The following RAVER2 variants were observed in gnomAD, a reference collection of about 807,000 sequenced individuals.
RAVER2 encodes ribonucleoprotein PTB-binding 2.
A neutral mutation model predicts 78.1 loss-of-function variants in RAVER2; 46 were observed. The observed-to-expected ratio is 0.59, with a 90% CI of 0.46 to 0.75. The LOEUF is 0.75. RAVER2 is among the 30% of genes least tolerant of loss of function. The pLI, the probability that RAVER2 is intolerant of heterozygous loss-of-function variation, is 0.00. For missense variants in RAVER2, 793 were observed against 837.5 expected, an observed-to-expected ratio of 0.95 and a Z score of 0.66; for synonymous variants, 311 against 313.3, an observed-to-expected ratio of 0.99 and a Z score of 0.08.
At chr1:64,824,151 C>A (rs1261283058) in intron 11 of RAVER2, among the ~76,000 whole-genome samples, 1 of 152,152 alleles carries the variant, frequency 6.6e-6, no homozygotes, top group East Asian at 1.9e-4. Flanking sequence ...TGGCAGTTGT[C>A]CAGCATGCAG....
chr1:64,812,746 T>A, exon 10 of RAVER2: 1 of 1,610,488 alleles, frequency 6.2e-7, no homozygotes, highest in Non-Finnish European at 8.5e-7. Flanking sequence ...AGGCTGCCTC[T>A]AAGAATCAAA....
At chr1:64,768,565 T>A in intron 1 of RAVER2, 91 bp from the exon 2 acceptor site, 1 of 765,038 alleles carries the variant, frequency 1.3e-6, no homozygotes, top group South Asian at 1.5e-5. Flanking sequence ...ATGGTGGTGG[T>A]AATGGTGGTG....
At chr1:64,817,836 G>A (rs927567059) in intron 11 of RAVER2, among the ~76,000 whole-genome samples, 1 of 152,006 alleles carries the variant, frequency 6.6e-6, no homozygotes, top group East Asian at 1.9e-4. Flanking sequence ...CACCAACATG[G>A]CACATGTATA....
At position 64,810,895 on chromosome 1, in the gene RAVER2, T is replaced by C. The variant is rs372482751; in HGVS notation, c.1681-1843T>C. On this transcript the variant is annotated intron_variant, in intron 9 of 11. Coordinates refer to ENST00000294428, the Ensembl canonical transcript of RAVER2. Reference sequence around the variant, plus strand: ...ATTTTCCAAGAAATATAGTGGGAAATTTTTTGGAAATTTGAAAAAGTTTGA... The same window carrying C: ...ATTTTCCAAGAAATATAGTGGGAAACTTTTTGGAAATTTGAAAAAGTTTGA... Among the ~76,000 whole-genome samples, 28 of 152,234 alleles carry C rather than the reference T, an allele frequency of 1.8e-4. No individual in the cohort carries two copies. The East Asian group carries it at 2.5e-3, about 14-fold the overall frequency.
At chr1:64,798,438 C>T (rs1052446998) in intron 5 of RAVER2, among the ~76,000 whole-genome samples, 10 of 149,062 alleles carry the variant, frequency 6.7e-5, no homozygotes, top group Admixed American at 5.4e-4. Flanking sequence ...GGTATATACC[C>T]AGTAATGGGA....
At chr1:64,782,940 C>T (rs2100840585) in intron 4 of RAVER2, among the ~76,000 whole-genome samples, 1 of 152,234 alleles carries the variant, frequency 6.6e-6, no homozygotes, top group Middle Eastern at 3.4e-3. Context: ...TCCATGTGTT[C>T]TCATTGTTCA....
exon 12 of RAVER2, chr1:64,831,199 T>A: frequency 2.6e-6 from 1 of 390,294 alleles, no homozygotes; most frequent in Non-Finnish European, 4.5e-6. Context: ...GTCAGATGCA[T>A]CTTAATCAGT....
intron 11 of RAVER2, among the ~76,000 whole-genome samples, chr1:64,822,445 G>C (rs1653912957): frequency 6.6e-6 from 1 of 152,198 alleles, no homozygotes; most frequent in Non-Finnish European, 1.5e-5. Context: ...TGTGCAGGCA[G>C]AAGAATCAAC....
intron 1 of RAVER2, among the ~76,000 whole-genome samples, chr1:64,767,021 G>GT (rs1054449301): frequency 3.3e-4 from 50 of 152,160 alleles, no homozygotes; most frequent in African/African-American, 1.2e-3. Flanking sequence ...TACAAAATTG[G>GT]TAAGTGTATG....
Position 64,804,463 on chromosome 1 carries a change from G to A in RAVER2, c.1192-271G>A, listed in dbSNP as rs562544423. ...TGATTAAATGAATAAATAAATGAAT[G>A]AATAGAATGTCACTGTCATTGAAAC... On this transcript the variant is annotated intron_variant, in intron 6 of 11. Transcript: ENST00000294428. Among the ~76,000 whole-genome samples the A allele has an allele frequency of 3.6e-4, 55 of 152,226 alleles. 1 individual carries two copies. The South Asian group carries it at 0.011, about 30-fold the overall frequency.
intron 1 of RAVER2, among the ~76,000 whole-genome samples, chr1:64,765,734 T>C (rs546023886): frequency 2.0e-5 from 3 of 152,294 alleles, no homozygotes; most frequent in African/African-American, 7.2e-5. Flanking sequence ...ACTCATAATA[T>C]ATGTTTGGTG....
In RAVER2 at chr1:64,745,488, G is replaced by C; in HGVS notation, c.249+67G>C. On this transcript the variant is annotated intron_variant, in intron 1 of 11. Transcript: ENST00000294428. This position sits in a 1 kb window ranked among gnomAD's most constrained non-coding sequence, Gnocchi z 4.3. ...CGGGGCGGCGCTCCGTGTCCAGGCT[G>C]GGATCGGGGGCGCCTCAGAGCGGTC... 6.9e-7 allele frequency: 1 copy of C among 1,449,572 alleles called. No homozygotes were observed. The highest frequency in any genetic ancestry group is 9.2e-7 in the Non-Finnish European group (1 of 1,087,398). The allele number at this position is 1,449,572 out of a possible 1,614,324, so 89.8% of individuals were successfully genotyped here.
At chr1:64,751,698 C>T (rs1376012792) in intron 1 of RAVER2, among the ~76,000 whole-genome samples, 2 of 152,080 alleles carry the variant, frequency 1.3e-5, no homozygotes, top group African/African-American at 4.8e-5. Flanking sequence ...AGCTCCTGGC[C>T]TCAGATCCTG....
At chr1:64,807,463 A>G (rs764369959) in exon 9 of RAVER2, 5 of 1,613,770 alleles carry the variant, frequency 3.1e-6, no homozygotes, top group South Asian at 1.1e-5. Flanking sequence ...AGGCACAGAG[A>G]TAAGTTCAGG....
At chr1:64,778,876 A>C (rs1412577696) in intron 3 of RAVER2, among the ~76,000 whole-genome samples, 2 of 148,044 alleles carry the variant, frequency 1.4e-5, no homozygotes, top group Admixed American at 6.8e-5. Flanking sequence ...CCTCCTTTGC[A>C]TCTTTTCTTT....
intron 1 of RAVER2, among the ~76,000 whole-genome samples, chr1:64,758,464 T>C (rs1173739855): frequency 6.6e-6 from 1 of 152,124 alleles, no homozygotes; most frequent in Non-Finnish European, 1.5e-5. Flanking sequence ...GCTGGAAGCC[T>C]TAGGGGAAAT....
intron 1 of RAVER2, 102 bp from the exon 2 acceptor site, chr1:64,768,554 C>G: frequency 1.4e-6 from 1 of 728,348 alleles, no homozygotes; most frequent in Non-Finnish European, 2.4e-6. Context: ...TTACATGGGA[C>G]ATGGTGGTGG....
intron 11 of RAVER2, 171 bp downstream of exon 11, chr1:64,815,011 T>C (rs1449391762): frequency 2.0e-6 from 1 of 505,074 alleles, no homozygotes; most frequent in Non-Finnish European, 3.0e-6. Context: ...TTCAAGACAT[T>C]ATTTAGTATC....
intron 1 of RAVER2, among the ~76,000 whole-genome samples, chr1:64,750,416 T>G (rs1003462740): frequency 2.0e-5 from 3 of 151,952 alleles, no homozygotes; most frequent in African/African-American, 7.3e-5. Context: ...TCAAGTGATC[T>G]TTCCATCTCA....
Sources: gnomAD v4.1 joint callset for allele counts (sites outside exome capture counted in the v4.1 genomes callset) on GRCh38, gnomAD v4.1.1 for gene constraint, Gnocchi (gnomAD v3.1) non-coding constraint, MANE v1.5 for transcripts, NCBI Gene and HGNC (gene_info 2026-07-23, HGNC 2026-07-21) for gene names.